The following KCNAB1 variants were observed in gnomAD, a reference collection of about 807,000 sequenced individuals.
KCNAB1 encodes the protein potassium voltage-gated channel subfamily A regulatory beta subunit 1, also known as voltage-gated potassium channel subunit beta-1.
Under a neutral mutation model 64.6 loss-of-function variants are expected in KCNAB1, and 35 were observed. That is an observed-to-expected ratio of 0.54 (90% CI 0.41 to 0.72). KCNAB1 has a LOEUF of 0.72. Among genes scored for constraint, KCNAB1 ranks in the 30% least tolerant of loss-of-function variants. The pLI is 0.00. For missense variants in KCNAB1, 401 were observed against 512.9 expected, an observed-to-expected ratio of 0.78 and a Z score of 2.11; for synonymous variants, 177 against 183.8, an observed-to-expected ratio of 0.96 and a Z score of 0.30.
chr3:156,279,106 T>C (rs1719536843), intron 1 of KCNAB1, among the ~76,000 whole-genome samples: 1 of 147,770 alleles, frequency 6.8e-6, no homozygotes, highest in Admixed American at 6.8e-5. Context: ...CCCGATGCTA[T>C]CCCTCCCCCC....
intron 1 of KCNAB1, chr3:156,176,513 GT>G (rs1380920835): frequency 2.5e-6 from 2 of 798,002 alleles, no homozygotes; most frequent in Non-Finnish European, 4.6e-6. Flanking sequence ...CACAGCCACA[GT>G]TTTATCTGTG....
At chr3:156,207,127 A>C (rs1412481489) in intron 1 of KCNAB1, among the ~76,000 whole-genome samples, 5 of 152,322 alleles carry the variant, frequency 3.3e-5, no homozygotes, top group Non-Finnish European at 7.3e-5. Flanking sequence ...CTGCTCTGCA[A>C]CCCAGAAGGC....
chr3:156,287,466 G>T (rs1052527221), intron 1 of KCNAB1, among the ~76,000 whole-genome samples: 1 of 151,732 alleles, frequency 6.6e-6, no homozygotes, highest in Non-Finnish European at 1.5e-5. Context: ...TGATTTTCAA[G>T]AACTTTATTA....
intron 1 of KCNAB1, among the ~76,000 whole-genome samples, chr3:156,273,141 A>C (rs1719130680): frequency 1.3e-5 from 2 of 148,336 alleles, no homozygotes; most frequent in Non-Finnish European, 3.0e-5. Flanking sequence ...AAAAAAAAAA[A>C]CGGGTCTCTT....
chr3:156,473,293 C>T (rs1714071795), intron 7 of KCNAB1, among the ~76,000 whole-genome samples: 1 of 152,148 alleles, frequency 6.6e-6, no homozygotes, highest in Non-Finnish European at 1.5e-5. Context: ...AAAGAAAGGT[C>T]AGAGAACCCA....
At position 156,536,653 on chromosome 3, in the gene KCNAB1, C is replaced by G; in HGVS notation, c.1171-5C>G. 1 of 1,601,056 alleles carries G rather than the reference C, an allele frequency of 6.2e-7. No homozygotes were observed. The highest frequency in any genetic ancestry group is 8.6e-7 in the Non-Finnish European group (1 of 1,168,040). On this transcript the variant is annotated splice_polypyrimidine_tract_variant and splice_region_variant and intron_variant, in intron 13 of 13. Transcript: ENST00000490337. ...TATCCTTTGTACTTCTCCTCCTGCT[C>G]TCAGGTTCTCCCAAAGATGACATCA...
intron 1 of KCNAB1, among the ~76,000 whole-genome samples, chr3:156,315,639 G>A (rs1290809789): frequency 6.6e-6 from 1 of 151,502 alleles, no homozygotes; most frequent in Admixed American, 6.6e-5. Context: ...CTATGTATTT[G>A]TATCTCAACT....
In KCNAB1 at chr3:156,121,863, A is replaced by G. The variant is rs558737365; in HGVS notation, c.275+977A>G. Among the ~76,000 whole-genome samples, 23 of 152,314 alleles carry G rather than the reference A, an allele frequency of 1.5e-4. No individual in the cohort carries two copies. The East Asian group carries it at 4.4e-3, about 29-fold the overall frequency. ...TGCACTCTGAGCTGCCTTTCTGTCT[A>G]TATTTCTATTTCCAAAAGACACTAC... On this transcript the variant is annotated intron_variant, in intron 1 of 13. Transcript: ENST00000490337.
intron 8 of KCNAB1, among the ~76,000 whole-genome samples, chr3:156,500,140 T>G (rs1248540301): frequency 6.6e-6 from 1 of 152,170 alleles, no homozygotes; most frequent in East Asian, 1.9e-4. Context: ...AGGAACAGCC[T>G]AGAGTAAATC....
chr3:156,226,805 G>A (rs1716208749), intron 1 of KCNAB1, among the ~76,000 whole-genome samples: 1 of 152,170 alleles, frequency 6.6e-6, no homozygotes, highest in Admixed American at 6.5e-5. Context: ...CCACAGCCAA[G>A]CCCAGCACTC....
At chr3:156,472,466 C>G (rs1022881738) in intron 7 of KCNAB1, among the ~76,000 whole-genome samples, 12 of 152,266 alleles carry the variant, frequency 7.9e-5, no homozygotes, top group Admixed American at 7.8e-4. Context: ...ACACAGAATC[C>G]AAAGTTCATA....
chr3:156,296,220 C>T (rs1720766779), intron 1 of KCNAB1, among the ~76,000 whole-genome samples: 1 of 152,116 alleles, frequency 6.6e-6, no homozygotes, highest in South Asian at 2.1e-4. Context: ...GAAGTTAAGG[C>T]ACATTGGGTT....
At chr3:156,225,231 T>A (rs1360760176) in intron 1 of KCNAB1, among the ~76,000 whole-genome samples, 1 of 152,170 alleles carries the variant, frequency 6.6e-6, no homozygotes, top group Non-Finnish European at 1.5e-5. Context: ...CATGATCAAG[T>A]GGTTTCAAAC....
rs1487705239 is a variant in KCNAB1, at chr3:156,537,367, A to C, written c.*620A>C. 2 of 251,448 alleles carry C rather than the reference A, an allele frequency of 8.0e-6. No homozygotes were observed. Among genetic ancestry groups the C allele is most frequent in the East Asian group, 1.4e-4 (2 of 13,854 alleles). 15.6% of individuals were successfully genotyped at this position (251,448 alleles called of 1,614,324 possible). A position where few individuals can be genotyped will look rare whatever the true frequency, so the allele number is the denominator to read the frequency against. On this transcript the variant is annotated 3_prime_UTR_variant, in exon 14 of 14. Coordinates refer to ENST00000490337, the MANE Select transcript of KCNAB1 (RefSeq NM_172160.3). ...GTTTTGTTCCATTTGTTATTCAATA[A>C]AACAAAAATTTCTAGGTATTTGCTT...
chr3:156,481,723 G>A (rs1356714197), intron 8 of KCNAB1, among the ~76,000 whole-genome samples: 1 of 152,040 alleles, frequency 6.6e-6, no homozygotes, highest in Non-Finnish European at 1.5e-5. Context: ...AGTGGACTAG[G>A]GCATTAGACA....
intron 8 of KCNAB1, among the ~76,000 whole-genome samples, chr3:156,506,024 T>A (rs531609302): frequency 5.0e-4 from 76 of 152,244 alleles, no homozygotes; most frequent in Non-Finnish European, 9.4e-4. Flanking sequence ...CATTTCTACA[T>A]GAGATTTGGA....
chr3:156,229,866 T>C (rs918015625), intron 1 of KCNAB1, among the ~76,000 whole-genome samples: 2 of 152,206 alleles, frequency 1.3e-5, no homozygotes, highest in African/African-American at 4.8e-5. Context: ...AAAGTTTTTT[T>C]TTTTAAGAGA....
intron 8 of KCNAB1, among the ~76,000 whole-genome samples, chr3:156,487,080 A>C (rs9826583): frequency 2.0e-5 from 3 of 152,142 alleles, no homozygotes; most frequent in Non-Finnish European, 4.4e-5. Context: ...CTTAAATTAC[A>C]TGCACATGCC....
chr3:156,454,255 G>A (rs1172498581), intron 3 of KCNAB1, among the ~76,000 whole-genome samples: 2 of 152,180 alleles, frequency 1.3e-5, no homozygotes, highest in Admixed American at 1.3e-4. Context: ...GCAGCACTGG[G>A]CAGACAGAGA....
Sources: gnomAD v4.1 joint callset for allele counts (sites outside exome capture counted in the v4.1 genomes callset) on GRCh38, gnomAD v4.1.1 for gene constraint, MANE v1.5 for transcripts, NCBI Gene and HGNC (gene_info 2026-07-23, HGNC 2026-07-21) for gene names.